The following TAFA2 variants were observed in gnomAD, a reference collection of about 807,000 sequenced individuals.
The protein encoded by TAFA2 is chemokine-like protein TAFA-2.
Under a neutral mutation model 18.8 loss-of-function variants are expected in TAFA2, and 7 were observed. The observed-to-expected ratio is 0.37, with a 90% CI of 0.21 to 0.70. The LOEUF (loss-of-function observed/expected upper bound fraction) is 0.70. Ranked by LOEUF, TAFA2 falls within the 30% of genes least tolerant of loss-of-function variation. The pLI, the probability that TAFA2 is intolerant of heterozygous loss-of-function variation, is 0.53. For synonymous variants in TAFA2, 60 were observed against 54.2 expected (o/e 1.11, Z -0.47); for missense variants, 122 against 158.1 (o/e 0.77, Z 1.23).
intron 1 of TAFA2, among the ~76,000 whole-genome samples, chr12:62,241,701 G>A (rs559624942): frequency 1.3e-5 from 2 of 152,048 alleles, no homozygotes; most frequent in East Asian, 3.9e-4. Context: ...TAGCTAGCCA[G>A]ACTTTTAATA....
chr12:61,887,366 A>G (rs1875428586), intron 1 of TAFA2, among the ~76,000 whole-genome samples: 1 of 152,164 alleles, frequency 6.6e-6, no homozygotes, highest in Admixed American at 6.5e-5. Context: ...TTATTACAAA[A>G]TTAGTTAAGA....
At chr12:62,208,470 C>A (rs924954801) in intron 1 of TAFA2, among the ~76,000 whole-genome samples, 1 of 115,900 alleles carries the variant, frequency 8.6e-6, no homozygotes, top group Middle Eastern at 4.2e-3. Flanking sequence ...ACAGACACCA[C>A]TTCTAGTTAA....
intron 1 of TAFA2, among the ~76,000 whole-genome samples, chr12:62,144,989 T>G (rs927470837): frequency 6.6e-6 from 1 of 152,242 alleles, no homozygotes; most frequent in Non-Finnish European, 1.5e-5. Context: ...TGGATTTTAC[T>G]TTTCTCCAAA....
At chr12:62,202,766 T>C (rs1432589220) in intron 1 of TAFA2, among the ~76,000 whole-genome samples, 1 of 151,608 alleles carries the variant, frequency 6.6e-6, no homozygotes, top group Non-Finnish European at 1.5e-5. Flanking sequence ...ATTTCATTAT[T>C]TACCCAGGAG....
rs1489327202 is a variant in TAFA2, at chr12:62,000,450, CA to C, written c.-1-133025del. Among the ~76,000 whole-genome samples the C allele has an allele frequency of 3.4e-5, 5 of 146,120 alleles. 1 individual carries two copies. Among genetic ancestry groups the C allele is most frequent in the Non-Finnish European group, 7.5e-5 (5 of 66,398 alleles). On this transcript the variant is annotated intron_variant, in intron 1 of 4. Coordinates refer to ENST00000416284, the MANE Select transcript of TAFA2 (RefSeq NM_178539.5). ...CCTCTCATGCATTACAGGAGGGAGT[CA>C]AAGTTGTTACACCAGTATTGGAAAA...
At chr12:61,852,352 G>T (rs1385538521) in intron 2 of TAFA2, among the ~76,000 whole-genome samples, 1 of 152,182 alleles carries the variant, frequency 6.6e-6, no homozygotes, top group Non-Finnish European at 1.5e-5. Context: ...TGTCAGAGAT[G>T]ATCCCAAAGA....
intron 1 of TAFA2, among the ~76,000 whole-genome samples, chr12:61,994,303 C>T (rs917124125): frequency 9.9e-5 from 15 of 152,132 alleles, no homozygotes; most frequent in Non-Finnish European, 2.2e-4. Flanking sequence ...TCCTTCTTCT[C>T]TCTTGATACA....
chr12:61,808,796 A>G lies in TAFA2; in HGVS notation c.107-53772T>C, dbSNP rs373203203. Among the ~76,000 whole-genome samples the G allele has an allele frequency of 3.3e-5, 5 of 151,492 alleles. No homozygotes were observed. The East Asian group carries it at 9.6e-4, about 29-fold the overall frequency. On this transcript the variant is annotated intron_variant, in intron 2 of 4. Coordinates refer to ENST00000416284, the MANE Select transcript of TAFA2 (RefSeq NM_178539.5). ...TGTCACAGTAGCCTTATATCTTTGCACAGTGCCTGCAGCGCATACGGAATC... is the reference window on the plus strand; with the variant it reads ...TGTCACAGTAGCCTTATATCTTTGCGCAGTGCCTGCAGCGCATACGGAATC...
At chr12:61,860,275 G>GA (rs958130373) in intron 2 of TAFA2, among the ~76,000 whole-genome samples, 1 of 151,950 alleles carries the variant, frequency 6.6e-6, no homozygotes, top group African/African-American at 2.4e-5. Context: ...ATATTACTTT[G>GA]AAAATTCAAT....
At chr12:61,986,795 G>A (rs1280882404) in intron 1 of TAFA2, among the ~76,000 whole-genome samples, 1 of 152,102 alleles carries the variant, frequency 6.6e-6, no homozygotes, top group African/African-American at 2.4e-5. Flanking sequence ...TGTTTTATAT[G>A]CTTGAAAACT....
chr12:62,180,819 C>T (rs1175894051), intron 1 of TAFA2, among the ~76,000 whole-genome samples: 2 of 152,068 alleles, frequency 1.3e-5, no homozygotes, highest in Non-Finnish European at 2.9e-5. Flanking sequence ...AAGCAAATCC[C>T]AGTTCATGAT....
intron 2 of TAFA2, among the ~76,000 whole-genome samples, chr12:61,854,566 T>A (rs1873807744): frequency 2.0e-5 from 3 of 148,220 alleles, no homozygotes; most frequent in Admixed American, 6.7e-5. Context: ...CAGAACAGAG[T>A]CAAGCAGAAA....
intron 1 of TAFA2, among the ~76,000 whole-genome samples, chr12:62,136,421 T>C (rs896293197): frequency 6.6e-6 from 1 of 152,136 alleles, no homozygotes; most frequent in Non-Finnish European, 1.5e-5. Context: ...AGATCTGCTT[T>C]TTCCCTCTAT....
intron 1 of TAFA2, among the ~76,000 whole-genome samples, chr12:61,983,277 A>T (rs915762757): frequency 1.3e-5 from 2 of 152,192 alleles, no homozygotes; most frequent in African/African-American, 4.8e-5. Context: ...CAGCAGTACC[A>T]TTTACAGTAT....
At chr12:61,919,721 A>G (rs1876974561) in intron 1 of TAFA2, among the ~76,000 whole-genome samples, 1 of 150,246 alleles carries the variant, frequency 6.7e-6, no homozygotes, top group Admixed American at 6.6e-5. Context: ...ATTATCTGTT[A>G]TTATATTGTA....
intron 1 of TAFA2, among the ~76,000 whole-genome samples, chr12:61,914,543 C>T (rs965502181): frequency 1.3e-5 from 2 of 152,172 alleles, no homozygotes; most frequent in Admixed American, 6.6e-5. Context: ...GTTAAAGTCT[C>T]TCTTGGCCCA....
At chr12:61,950,311 T>C in intron 1 of TAFA2, among the ~76,000 whole-genome samples, 1 of 152,142 alleles carries the variant, frequency 6.6e-6, no homozygotes, top group Admixed American at 6.6e-5. Context: ...ATATGTTAGT[T>C]TTATTTTTAA....
At chr12:61,923,366 C>G (rs1565682704) in intron 1 of TAFA2, among the ~76,000 whole-genome samples, 1 of 152,172 alleles carries the variant, frequency 6.6e-6, no homozygotes. Flanking sequence ...GCAGGTCCCC[C>G]TCTGGGATGA....
At chr12:62,174,449 A>G (rs1362845387) in intron 1 of TAFA2, among the ~76,000 whole-genome samples, 1 of 152,262 alleles carries the variant, frequency 6.6e-6, no homozygotes, top group Non-Finnish European at 1.5e-5. Flanking sequence ...TATCATAGAA[A>G]TAAGGAGAGA....
Sources: gnomAD v4.1 joint callset for allele counts (sites outside exome capture counted in the v4.1 genomes callset) on GRCh38, gnomAD v4.1.1 for gene constraint, MANE v1.5 for transcripts, NCBI Gene and HGNC (gene_info 2026-07-23, HGNC 2026-07-21) for gene names.